SLC8A1: variants seen among roughly 807,000 people sequenced by gnomAD.
SLC8A1 encodes sodium/calcium exchanger 1.
Under a neutral mutation model 68.3 loss-of-function variants are expected in SLC8A1, and 18 were observed. The observed-to-expected ratio is 0.26, with a 90% CI of 0.18 to 0.39. The LOEUF (loss-of-function observed/expected upper bound fraction) is 0.39. Among genes scored for constraint, SLC8A1 ranks in the 10% least tolerant of loss-of-function variants. SLC8A1 has a pLI of 1.00. For missense variants in SLC8A1, 985 were observed against 1,156.7 expected (o/e 0.85, Z 2.15); for synonymous variants, 475 against 415.5 (o/e 1.14, Z -1.74).
At chr2:40,482,789 CT>C (rs34808025) in intron 1 of SLC8A1, among the ~76,000 whole-genome samples, 7,231 of 131,794 alleles carry the variant, frequency 0.055, 206 homozygotes, top group East Asian at 0.21. Flanking sequence ...ACAGTTAGCA[CT>C]TTTTTTTTTT....
At chr2:40,350,550 C>T (rs1285442758) in intron 2 of SLC8A1, among the ~76,000 whole-genome samples, 2 of 119,044 alleles carry the variant, frequency 1.7e-5, no homozygotes, top group African/African-American at 3.4e-5. Context: ...TTTAAAATAG[C>T]CCCAAGCAAG....
At chr2:40,154,153 G>T (rs953067143) in intron 6 of SLC8A1, among the ~76,000 whole-genome samples, 16 of 152,070 alleles carry the variant, frequency 1.1e-4, no homozygotes, top group African/African-American at 3.1e-4. Flanking sequence ...AGGATCCATA[G>T]TTGTTAACTT....
chr2:40,305,886 T>C (rs1024854688), intron 2 of SLC8A1, among the ~76,000 whole-genome samples: 4 of 152,210 alleles, frequency 2.6e-5, no homozygotes, highest in African/African-American at 4.8e-5. Flanking sequence ...TTTTTGACAT[T>C]ATATGCACAT....
At chr2:40,446,762 T>A (rs781689525) in intron 1 of SLC8A1, 2 of 152,194 alleles carry the variant, frequency 1.3e-5, no homozygotes, top group Non-Finnish European at 2.9e-5. Context: ...CATCCTTAAG[T>A]CAGAAAAATG....
chr2:40,353,769 T>C (rs993775437), intron 2 of SLC8A1, among the ~76,000 whole-genome samples: 1 of 152,188 alleles, frequency 6.6e-6, no homozygotes, highest in Non-Finnish European at 1.5e-5. Context: ...ATTTTCATTT[T>C]CCCAATCCAT....
chr2:40,331,786 G>A (rs569750796), intron 2 of SLC8A1, among the ~76,000 whole-genome samples: 1 of 152,128 alleles, frequency 6.6e-6, no homozygotes, highest in African/African-American at 2.4e-5. Flanking sequence ...TAGAGACAGG[G>A]TTTTGCCAGT....
intron 1 of SLC8A1, among the ~76,000 whole-genome samples, chr2:40,473,186 G>C (rs1021395004): frequency 1.3e-5 from 2 of 151,956 alleles, no homozygotes; most frequent in African/African-American, 4.8e-5. Context: ...CACAGCACAT[G>C]GAAAATGAAG....
At position 40,200,192 on chromosome 2, in the gene SLC8A1, T is replaced by TATATATATATATTTTTTTATA. The variant is rs2053920580; in HGVS notation, c.1809-22338_1809-22337insTATAAAAAAATATATATATAT. 2.1e-4 allele frequency among the ~76,000 whole-genome samples: 2 copies of TATATATATATATTTTTTTATA among 9,616 alleles called. 1 individual carries two copies. Among genetic ancestry groups the TATATATATATATTTTTTTATA allele is most frequent in the Non-Finnish European group, 5.7e-4 (2 of 3,526 alleles). 6.3% of individuals were successfully genotyped at this position (9,616 alleles called of 152,430 possible). A position where few individuals can be genotyped will look rare whatever the true frequency, so the allele number is the denominator to read the frequency against. On this transcript the variant is annotated intron_variant, in intron 2 of 7. Coordinates refer to ENST00000406785, the Ensembl canonical transcript of SLC8A1. ...GTCATTGATATATATATATATATATTTATATATATATATAAATATATATAT... is the reference window on the plus strand; with the variant it reads ...GTCATTGATATATATATATATATATTATATATATATATTTTTTTATATATATATATATATAAATATATATAT...
chr2:40,102,805 TC>T (rs2033975750), exon 8 of SLC8A1: 1 of 152,090 alleles, frequency 6.6e-6, no homozygotes, highest in African/African-American at 2.4e-5. Flanking sequence ...CCTAATCAAA[TC>T]TGAAATGGGG....
chr2:40,115,116 G>T, exon 8 of SLC8A1: 1 of 607,718 alleles, frequency 1.6e-6, no homozygotes, highest in Non-Finnish European at 2.5e-6. Flanking sequence ...TTCGGCCCTA[G>T]TACAGAGTAT....
chr2:40,116,473 C>G (rs1382254240), intron 7 of SLC8A1, among the ~76,000 whole-genome samples: 1 of 152,126 alleles, frequency 6.6e-6, no homozygotes, highest in Non-Finnish European at 1.5e-5. Flanking sequence ...AACCCCCACC[C>G]CACAGCAGTC....
At chr2:40,346,524 G>C (rs1261113247) in intron 2 of SLC8A1, among the ~76,000 whole-genome samples, 1 of 152,156 alleles carries the variant, frequency 6.6e-6, no homozygotes, top group Non-Finnish European at 1.5e-5. Context: ...GCCGCCGTCA[G>C]AGTTATTTTG....
At chr2:40,372,252 AAAAAG>A (rs1678337535) in intron 2 of SLC8A1, among the ~76,000 whole-genome samples, 1 of 152,138 alleles carries the variant, frequency 6.6e-6, no homozygotes, top group Admixed American at 6.6e-5. Context: ...TAAGGGGAAG[AAAAAG>A]AAAAGAAGAG....
intron 6 of SLC8A1, among the ~76,000 whole-genome samples, chr2:40,143,803 G>C (rs374473296): frequency 6.6e-6 from 1 of 152,190 alleles, no homozygotes; most frequent in African/African-American, 2.4e-5. Flanking sequence ...GTTTCTTTAC[G>C]TGTCTCTCTA....
chr2:40,259,395 A>G (rs1252144610), intron 2 of SLC8A1, among the ~76,000 whole-genome samples: 1 of 152,204 alleles, frequency 6.6e-6, no homozygotes, highest in Non-Finnish European at 1.5e-5. Context: ...GCCTTATTTG[A>G]AAAGGTAATA....
At chr2:40,387,178 T>G (rs776367424) in intron 2 of SLC8A1, among the ~76,000 whole-genome samples, 1 of 151,398 alleles carries the variant, frequency 6.6e-6, no homozygotes, top group Non-Finnish European at 1.5e-5. Flanking sequence ...TGTATTTTAT[T>G]TAGGTTTATT....
intron 2 of SLC8A1, among the ~76,000 whole-genome samples, chr2:40,193,840 G>GGT (rs1400932920): frequency 2.0e-5 from 3 of 152,038 alleles, no homozygotes; most frequent in African/African-American, 7.2e-5. Flanking sequence ...TAATTAGCCA[G>GGT]GTACCCCTCC....
intron 2 of SLC8A1, among the ~76,000 whole-genome samples, chr2:40,386,438 C>A (rs1559480255): frequency 6.6e-6 from 1 of 150,702 alleles, no homozygotes; most frequent in Non-Finnish European, 1.5e-5. Context: ...TAATATGAGG[C>A]TTTTACATTA....
chr2:40,284,550 ATGT>A (rs2068004797), intron 2 of SLC8A1, among the ~76,000 whole-genome samples: 1 of 147,306 alleles, frequency 6.8e-6, no homozygotes, highest in Non-Finnish European at 1.5e-5. Context: ...ATTTATATAT[ATGT>A]TGTTATATAT....
Sources: gnomAD v4.1 joint callset for allele counts (sites outside exome capture counted in the v4.1 genomes callset) on GRCh38, gnomAD v4.1.1 for gene constraint, MANE v1.5 for transcripts, NCBI Gene and HGNC (gene_info 2026-07-23, HGNC 2026-07-21) for gene names.